RBM34: variants seen among roughly 807,000 people sequenced by gnomAD.
The protein encoded by RBM34 is RNA-binding protein 34.
RBM34 carries 39 observed loss-of-function variants against 44.6 expected under a neutral mutation model. The ratio of observed to expected loss-of-function variants is 0.87; its 90% CI spans 0.68 to 1.14. The LOEUF (loss-of-function observed/expected upper bound fraction) is 1.14. Among genes scored for constraint, RBM34 ranks in the 50% most tolerant of loss-of-function variants. The pLI is 0.00. For missense variants in RBM34, 572 were observed against 517.9 expected, an observed-to-expected ratio of 1.10 and a Z score of -1.01; for synonymous variants, 194 against 184.0, an observed-to-expected ratio of 1.05 and a Z score of -0.44.
intron 3 of RBM34, among the ~76,000 whole-genome samples, chr1:235,158,125 G>A (rs1662529625): frequency 1.3e-5 from 2 of 151,974 alleles, no homozygotes; most frequent in Admixed American, 1.3e-4. Flanking sequence ...AGCAGAAAGA[G>A]GGATAAGGGC....
intron 6 of RBM34, among the ~76,000 whole-genome samples, chr1:235,140,598 G>A (rs1482057332): frequency 4.6e-5 from 7 of 152,262 alleles, no homozygotes; most frequent in Admixed American, 1.3e-4. Context: ...GCTCCTGTGC[G>A]GCCCGAGCCT....
In RBM34 at chr1:235,135,701, C is replaced by G. The variant is rs747683049; in HGVS notation, c.959G>C (p.Arg320Thr). The change falls in exon 10 of 11, where the codon AGA (arginine) becomes ACA (threonine). Residue 320 changes from arginine (R) to threonine (T), a missense_variant. Physicochemically the swap from Arg to Thr is moderately conservative, Grantham distance 71 (BLOSUM62 -1). Transcript: ENST00000408888. ...CGSIMAVRIV[R>T]DKMTGIGKGF... ...TTTGCCGATGCCTGTCATTTTGTCT[C>G]TCACAATCCTCACGGCCATGATACT... The G allele has an allele frequency of 3.1e-6, 5 of 1,614,236 alleles. No homozygotes were observed. In the South Asian group the frequency reaches 5.5e-5, roughly 18 times the overall value.
intron 9 of RBM34, 73 bp from the exon 10 acceptor site, chr1:235,135,843 A>G: frequency 1.5e-6 from 2 of 1,356,486 alleles, no homozygotes; most frequent in East Asian, 2.3e-5. Flanking sequence ...GTTTAATAAT[A>G]CAGCTAGTTA....
In RBM34 at chr1:235,154,908, C is replaced by T; in HGVS notation, c.570G>A (p.Gly190=). The T allele has an allele frequency of 6.2e-7, 1 of 1,613,850 alleles. No homozygotes were observed. The highest frequency in any genetic ancestry group is 8.5e-7 in the Non-Finnish European group (1 of 1,179,920). The change falls in exon 4 of 11, where the codon GGG becomes GGA. Residue 190 remains glycine, a synonymous_variant. Coordinates refer to ENST00000408888, the MANE Select transcript of RBM34 (RefSeq NM_015014.4). The part of the protein sequence containing the change: ...RLKNERTVFV[G]NLPVTCNKKK... ...TCTTATTACATGTAACAGGCAAATT[C>T]CCAACAAACACAGTTCTCTCATTCT...
intron 6 of RBM34, among the ~76,000 whole-genome samples, chr1:235,139,699 C>T (rs1465545230): frequency 2.0e-5 from 3 of 152,290 alleles, no homozygotes; most frequent in East Asian, 1.9e-4. Context: ...AACCAGATAA[C>T]CCACAGCATC....
At chr1:235,152,434 G>A (rs1662206270) in intron 5 of RBM34, 2 of 1,081,178 alleles carry the variant, frequency 1.8e-6, no homozygotes, top group Non-Finnish European at 2.3e-6. Context: ...CTATTCTGCT[G>A]ACACAGTAAA....
intron 10 of RBM34, among the ~76,000 whole-genome samples, chr1:235,133,642 C>G (rs980050683): frequency 6.6e-6 from 1 of 152,046 alleles, no homozygotes; most frequent in Non-Finnish European, 1.5e-5. Flanking sequence ...TCCCCAAATC[C>G]GTGAGTTCAG....
At chr1:235,160,151 C>A in intron 3 of RBM34, 1 of 399,938 alleles carries the variant, frequency 2.5e-6, no homozygotes, top group South Asian at 1.9e-5. Flanking sequence ...CTACTCAGGG[C>A]CGAGGCAGGA....
intron 6 of RBM34, among the ~76,000 whole-genome samples, chr1:235,145,284 T>TG (rs1489051993): frequency 6.7e-6 from 1 of 150,098 alleles, no homozygotes; most frequent in East Asian, 1.9e-4. Flanking sequence ...AAACATACTT[T>TG]TTTTTTTTTT....
chr1:235,139,952 G>A (rs1661604718), intron 6 of RBM34, among the ~76,000 whole-genome samples: 1 of 152,254 alleles, frequency 6.6e-6, no homozygotes, highest in African/African-American at 2.4e-5. Context: ...CCTGGAAGCT[G>A]CCGAGGCAGG....
intron 8 of RBM34, 104 bp from the exon 9 acceptor site, chr1:235,136,177 C>T (rs61837172): frequency 0.042 from 37,959 of 902,764 alleles, 1,040 homozygotes; most frequent in Middle Eastern, 0.062. Flanking sequence ...GACAGGTCAC[C>T]CATCTTCTAA....
intron 6 of RBM34, among the ~76,000 whole-genome samples, chr1:235,144,344 G>GA (rs1441627590): frequency 6.6e-6 from 1 of 152,154 alleles, no homozygotes; most frequent in Non-Finnish European, 1.5e-5. Context: ...GACAGAGGTG[G>GA]AGGGACATAT....
intron 4 of RBM34, among the ~76,000 whole-genome samples, chr1:235,154,173 G>T (rs1346883752): frequency 6.6e-6 from 1 of 151,750 alleles, no homozygotes; most frequent in African/African-American, 2.4e-5. Context: ...GTGAACCCAG[G>T]AGGCGGAGCT....
chr1:235,133,658 G>A (rs542483166), intron 10 of RBM34, among the ~76,000 whole-genome samples: 34 of 152,296 alleles, frequency 2.2e-4, no homozygotes, highest in African/African-American at 7.7e-4. Context: ...TTCAGTATCA[G>A]AGGATTCAAT....
chr1:235,140,612 C>G (rs953953565), intron 6 of RBM34, among the ~76,000 whole-genome samples: 1 of 152,204 alleles, frequency 6.6e-6, no homozygotes, highest in African/African-American at 2.4e-5. Flanking sequence ...CGAGCCTCCC[C>G]GAGGAGCGCC....
chr1:235,160,513 G>A lies in RBM34; in HGVS notation c.363C>T (p.Asp121=). 1 of 1,610,234 alleles carries A rather than the reference G, an allele frequency of 6.2e-7. No individual in the cohort carries two copies. Among genetic ancestry groups the A allele is most frequent in the Non-Finnish European group, 8.5e-7 (1 of 1,179,084 alleles). ...KHTNAEKKLA[D]RESALASADL... The stretch of plus-strand genomic sequence containing the variant: ...TCAAATAAGAGAATTTTACCAACCT[G>A]TCTGCCAACTTTTTTTCTGCGTTAG... The change falls in exon 3 of 11, where the codon GAC becomes GAT. Residue 121 remains aspartate, a splice_region_variant and synonymous_variant. Transcript: ENST00000408888.
At chr1:235,158,444 CGAG>C (rs1409005489) in intron 3 of RBM34, among the ~76,000 whole-genome samples, 2 of 148,024 alleles carry the variant, frequency 1.4e-5, no homozygotes, top group Non-Finnish European at 3.0e-5. Context: ...CAAAAAAAAA[CGAG>C]GGATAAGGGA....
chr1:235,154,929 A>T lies in RBM34; in HGVS notation c.549T>A (p.Asn183Lys). Residue 183 changes from asparagine (N) to lysine (K), a missense_variant, in exon 4 of 11, where the codon AAT becomes AAA. Asn to Lys is a moderately conservative substitution (Grantham distance 94). Transcript: ENST00000408888. ...AATTCCCAACAAACACAGTTCTCTC[A>T]TTCTTTAATCTCTCTTCTTCTTGGT... is the stretch of plus-strand genomic sequence containing the variant. ...QINQEEERLK[N>K]ERTVFVGNLP... is the part of the protein sequence containing the mutation. The T allele has an allele frequency of 6.2e-7, 1 of 1,614,040 alleles. No individual in the cohort carries two copies. The highest frequency in any genetic ancestry group is 8.5e-7 in the Non-Finnish European group (1 of 1,179,974).
chr1:235,143,604 G>A (rs1661777740), intron 6 of RBM34, among the ~76,000 whole-genome samples: 1 of 152,136 alleles, frequency 6.6e-6, no homozygotes, highest in Non-Finnish European at 1.5e-5. Context: ...TGGGCATGGT[G>A]GTATGTGTCT....
Sources: gnomAD v4.1 joint callset for allele counts (sites outside exome capture counted in the v4.1 genomes callset) on GRCh38, gnomAD v4.1.1 for gene constraint, MANE v1.5 for transcripts, NCBI Gene and HGNC (gene_info 2026-07-23, HGNC 2026-07-21) for gene names.